The following MYO3B variants were observed in gnomAD, a reference collection of about 807,000 sequenced individuals.
MYO3B encodes myosin-IIIb.
Under a neutral mutation model 174.6 loss-of-function variants are expected in MYO3B, and 156 were observed. That is an observed-to-expected ratio of 0.89 (90% CI 0.78 to 1.02). The LOEUF (loss-of-function observed/expected upper bound fraction) is 1.02, where lower values mean the gene tolerates loss of function less well. MYO3B is among the 50% of genes least tolerant of loss of function. The pLI is 0.00. For synonymous variants in MYO3B, 563 were observed against 569.1 expected, an observed-to-expected ratio of 0.99 and a Z score of 0.15; for missense variants, 1,632 against 1,639.4, an observed-to-expected ratio of 1.00 and a Z score of 0.08.
At chr2:170,646,635 A>G (rs1698401883) in intron 32 of MYO3B, among the ~76,000 whole-genome samples, 2 of 152,134 alleles carry the variant, frequency 1.3e-5, no homozygotes, top group African/African-American at 4.8e-5. Flanking sequence ...AGCTCAAGCA[A>G]TCTGCCCGCC....
At chr2:170,611,090 C>G (rs1484796847) in intron 32 of MYO3B, among the ~76,000 whole-genome samples, 1 of 151,970 alleles carries the variant, frequency 6.6e-6, no homozygotes, top group Non-Finnish European at 1.5e-5. Flanking sequence ...TCAGATTTAC[C>G]CCAGTGAAAG....
intron 7 of MYO3B, among the ~76,000 whole-genome samples, chr2:170,332,635 T>A (rs373365319): frequency 9.2e-5 from 14 of 152,286 alleles, no homozygotes; most frequent in Admixed American, 8.5e-4. Context: ...AGGCAGGACA[T>A]TTACAGGATC....
intron 7 of MYO3B, among the ~76,000 whole-genome samples, chr2:170,277,719 A>T (rs934025345): frequency 6.6e-6 from 1 of 151,916 alleles, no homozygotes; most frequent in Non-Finnish European, 1.5e-5. Context: ...AAAAAAAAAA[A>T]TTACACAAAT....
rs1469992358 is a variant in MYO3B at position 170,353,800 on chromosome 2, T to C, written c.816-15422T>C. On this transcript the variant is annotated intron_variant, in intron 8 of 34. Coordinates refer to ENST00000408978, the MANE Select transcript of MYO3B (RefSeq NM_138995.5). ...ACTGAAATCATAAGGGAATTTATTA[T>C]GAAAACAGGACTTGGTGGCATTCTC... 3.3e-5 allele frequency among the ~76,000 whole-genome samples: 5 copies of C among 152,248 alleles called. No homozygotes were observed. The East Asian group carries it at 9.6e-4, about 29-fold the overall frequency.
At chr2:170,547,961 GC>G (rs1690639275) in intron 32 of MYO3B, among the ~76,000 whole-genome samples, 1 of 152,036 alleles carries the variant, frequency 6.6e-6, no homozygotes, top group South Asian at 2.1e-4. Flanking sequence ...GAGGTTTGTA[GC>G]CGGGCGTGGT....
chr2:170,599,868 GCTTTTAT>G (rs2106340182), intron 32 of MYO3B, among the ~76,000 whole-genome samples: 1 of 152,110 alleles, frequency 6.6e-6, no homozygotes, highest in East Asian at 1.9e-4. Flanking sequence ...ACCCATATTT[GCTTTTAT>G]CATTTTTTAA....
At chr2:170,400,006 T>C (rs1178741724) in intron 16 of MYO3B, among the ~76,000 whole-genome samples, 182 bp from the exon 17 acceptor site, 1 of 152,124 alleles carries the variant, frequency 6.6e-6, no homozygotes, top group East Asian at 1.9e-4. Flanking sequence ...CTTGCTTCAT[T>C]GTTAAAATGT....
At chr2:170,647,293 T>C (rs965209499) in intron 32 of MYO3B, among the ~76,000 whole-genome samples, 15 of 152,216 alleles carry the variant, frequency 9.9e-5, no homozygotes, top group Non-Finnish European at 2.9e-5. Context: ...CTCTACTAGA[T>C]TGAAAACAGG....
At chr2:170,651,078 T>C (rs1320048529) in intron 32 of MYO3B, among the ~76,000 whole-genome samples, 1 of 152,174 alleles carries the variant, frequency 6.6e-6, no homozygotes, top group Non-Finnish European at 1.5e-5. Flanking sequence ...TCCTTTCTCC[T>C]TCTCTTTTAC....
At chr2:170,505,575 T>C (rs530262104) in intron 28 of MYO3B, among the ~76,000 whole-genome samples, 119 of 152,208 alleles carry the variant, frequency 7.8e-4, no homozygotes, top group Non-Finnish European at 1.4e-3. Flanking sequence ...CAAAAAAAGC[T>C]TACATTCCTC....
chr2:170,395,947 A>G (rs2094440360), intron 16 of MYO3B, among the ~76,000 whole-genome samples: 1 of 152,378 alleles, frequency 6.6e-6, no homozygotes, highest in Non-Finnish European at 1.5e-5. Flanking sequence ...AGAATACTAC[A>G]TCAAAAGAAG....
chr2:170,260,352 A>G (rs2093336406), intron 7 of MYO3B, among the ~76,000 whole-genome samples: 1 of 152,250 alleles, frequency 6.6e-6, no homozygotes, highest in African/African-American at 2.4e-5. Flanking sequence ...GTACATATAT[A>G]TCATGGAATA....
chr2:170,501,222 TC>T lies in MYO3B; in HGVS notation c.3290-560del, dbSNP rs537355963. On this transcript the variant is annotated intron_variant, in intron 27 of 34. Transcript: ENST00000408978. ...CACCTTTCTTCCCTGCCTTTTCCCT[TC>T]CCACTGCACATCTTTCCTCTCCCTC... 2.6e-4 allele frequency among the ~76,000 whole-genome samples: 39 copies of T among 152,242 alleles called. No homozygotes were observed. The East Asian group carries it at 7.1e-3, about 28-fold the overall frequency.
chr2:170,488,785 A>T (rs72880119), intron 25 of MYO3B, among the ~76,000 whole-genome samples: 15,394 of 152,258 alleles, frequency 0.1, 1,287 homozygotes, highest in East Asian at 0.4. Flanking sequence ...CAAAGGGGAT[A>T]ACAGGACTCT....
At chr2:170,285,736 A>T (rs1256103461) in intron 7 of MYO3B, among the ~76,000 whole-genome samples, 1 of 151,002 alleles carries the variant, frequency 6.6e-6, no homozygotes, top group Admixed American at 6.6e-5. Context: ...AAATTTCTCG[A>T]TCTTTTTATT....
intron 29 of MYO3B, among the ~76,000 whole-genome samples, chr2:170,517,214 T>C (rs1038568791): frequency 3.3e-5 from 5 of 152,236 alleles, no homozygotes; most frequent in Admixed American, 3.3e-4. Flanking sequence ...TCTGTAAGTT[T>C]CTGGTTTTAT....
intron 9 of MYO3B, among the ~76,000 whole-genome samples, chr2:170,371,845 G>A (rs2094248187): frequency 7.2e-6 from 1 of 139,328 alleles, no homozygotes; most frequent in Admixed American, 7.2e-5. Flanking sequence ...GCTCACACGT[G>A]TAATCCCAGC....
intron 8 of MYO3B, among the ~76,000 whole-genome samples, chr2:170,368,443 A>G (rs1405102246): frequency 6.6e-6 from 1 of 152,232 alleles, no homozygotes; most frequent in African/African-American, 2.4e-5. Flanking sequence ...CCTGTATCCA[A>G]ATCATCTTGA....
chr2:170,323,494 T>C (rs1238478555), intron 7 of MYO3B, among the ~76,000 whole-genome samples: 2 of 152,200 alleles, frequency 1.3e-5, no homozygotes, highest in East Asian at 3.9e-4. Flanking sequence ...TATAAAATGC[T>C]CTAGCAGAAT....
Sources: allele counts gnomAD v4.1 joint callset (sites outside exome capture counted in the v4.1 genomes callset), GRCh38; gene constraint gnomAD v4.1.1; transcripts MANE v1.5; gene names NCBI Gene and HGNC (gene_info 2026-07-23, HGNC 2026-07-21).